The following UBIAD1 variants were observed in gnomAD, a reference collection of about 807,000 sequenced individuals.
UBIAD1 encodes ubiA prenyltransferase domain-containing protein 1.
In UBIAD1, 12 loss-of-function variants were observed where a neutral mutation model predicts 20.1. That is an observed-to-expected ratio of 0.60 (90% CI 0.38 to 0.97). UBIAD1 has a LOEUF of 0.97. Among genes scored for constraint, UBIAD1 ranks in the 50% least tolerant of loss-of-function variants. The probability of loss-of-function intolerance (pLI) is 0.00; values close to 1 mark genes in which losing one functional copy is unlikely to be tolerated. For missense variants in UBIAD1, 333 were observed against 419.5 expected (o/e 0.79, Z 1.80); for synonymous variants, 207 against 189.2 (o/e 1.09, Z -0.77).
chr1:11,278,688 C>A, intron 1 of UBIAD1: 2 of 1,328,678 alleles, frequency 1.5e-6, no homozygotes, highest in African/African-American at 1.5e-5. Context: ...CGTCTTAGCT[C>A]CTGAAGTACA....
At chr1:11,289,511 G>A (rs984180561), downstream of UBIAD1, among the ~76,000 whole-genome samples, 1 of 152,048 alleles carries the variant, frequency 6.6e-6, no homozygotes, top group Non-Finnish European at 1.5e-5. Context: ...ATGGAGATAG[G>A]GGGGTATGAG....
At position 11,278,585 on chromosome 1, in the gene UBIAD1, T is replaced by G; in HGVS notation, c.529+4525T>G. 3 of 1,311,486 alleles carry G rather than the reference T, an allele frequency of 2.3e-6. No individual in the cohort carries two copies. In the South Asian group the frequency reaches 6.0e-5, roughly 26 times the overall value. The allele number at this position is 1,311,486 out of a possible 1,614,324, so 81.2% of individuals were successfully genotyped here. A position where few individuals can be genotyped will look rare whatever the true frequency, so the allele number is the denominator to read the frequency against. On this transcript the variant is annotated intron_variant, in intron 1 of 1. Coordinates refer to ENST00000376810, the MANE Select transcript of UBIAD1 (RefSeq NM_013319.3). ...TAACACGAGTAGAAGGTTGTTGATA[T>G]AAGACAAGTTTGAGATCCACTAAAA... is the stretch of plus-strand genomic sequence containing the variant.
intron 1 of UBIAD1, among the ~76,000 whole-genome samples, chr1:11,276,100 G>A (rs1209219032): frequency 6.6e-6 from 1 of 152,154 alleles, no homozygotes; most frequent in African/African-American, 2.4e-5. Flanking sequence ...TCTGGGTAAG[G>A]TATTGAGAAT....
chr1:11,276,975 A>G (rs1288270950), intron 1 of UBIAD1, among the ~76,000 whole-genome samples: 1 of 152,028 alleles, frequency 6.6e-6, no homozygotes, highest in Non-Finnish European at 1.5e-5. Context: ...GGTAGTTTTT[A>G]CCCATAATCC....
intron 1 of UBIAD1, among the ~76,000 whole-genome samples, chr1:11,275,450 G>A (rs1259065099): frequency 6.6e-6 from 1 of 152,124 alleles, no homozygotes; most frequent in Non-Finnish European, 1.5e-5. Context: ...CATCAAAAAG[G>A]TAACATTTGG....
In UBIAD1 at chr1:11,280,406, C is replaced by A. The variant is rs537584387; in HGVS notation, c.530-5238C>A. ...TCTTTTCTCTATCTCCATGTACTCC[C>A]TTGGTGATGTAGCTCATGGCTTCAG... On this transcript the variant is annotated intron_variant, in intron 1 of 1. Transcript: ENST00000376810. Among the ~76,000 whole-genome samples, 3 of 152,280 alleles carry A rather than the reference C, an allele frequency of 2.0e-5. No individual in the cohort carries two copies. The East Asian group carries it at 5.8e-4, about 29-fold the overall frequency.
chr1:11,273,299 G>T lies in UBIAD1; in HGVS notation c.-233G>T, dbSNP rs912505470. 1.9e-5 allele frequency: 11 copies of T among 580,746 alleles called. No homozygotes were observed. Among genetic ancestry groups the T allele is most frequent in the Non-Finnish European group, 3.1e-5 (10 of 325,716 alleles). The allele number at this position is 580,746 out of a possible 1,614,324, so 36.0% of individuals were successfully genotyped here. ...CCGTGGGCTCTAACGCGGGGCTGGG[G>T]GCCGGAGACAGACTTCGCCCAGGTG... On this transcript the variant is annotated 5_prime_UTR_variant, in exon 1 of 2. Transcript: ENST00000376810. This position sits in a 1 kb window ranked among gnomAD's most constrained non-coding sequence, Gnocchi z 4.9.
At chr1:11,282,707 C>T (rs1361796312) in intron 1 of UBIAD1, among the ~76,000 whole-genome samples, 8 of 151,576 alleles carry the variant, frequency 5.3e-5, no homozygotes, top group East Asian at 2.0e-4. Flanking sequence ...GGATTACAGG[C>T]GTGCACCACC....
At chr1:11,297,923 G>A (rs2101031276), downstream of UBIAD1, among the ~76,000 whole-genome samples, 1 of 152,156 alleles carries the variant, frequency 6.6e-6, no homozygotes, top group Middle Eastern at 3.4e-3. Flanking sequence ...TGTTTTACCA[G>A]AGTTGTTACT....
chr1:11,297,576 C>A (rs1457540986), downstream of UBIAD1, among the ~76,000 whole-genome samples: 1 of 152,202 alleles, frequency 6.6e-6, no homozygotes, highest in Non-Finnish European at 1.5e-5. Flanking sequence ...AAAGGATGAC[C>A]CATCTGCAGC....
At chr1:11,296,548 T>C (rs1638451449), downstream of UBIAD1, among the ~76,000 whole-genome samples, 1 of 152,172 alleles carries the variant, frequency 6.6e-6, no homozygotes, top group Admixed American at 6.5e-5. Context: ...AGACAGGATC[T>C]CACTCTGTAG....
Position 11,285,792 on chromosome 1 carries a change from G to A in UBIAD1, c.678G>A (p.Glu226=), listed in dbSNP as rs146002977. The change falls in exon 2 of 2, where the codon GAG becomes GAA. Residue 226 remains glutamate, a synonymous_variant. Transcript: ENST00000376810. The surrounding 1 kb of genome is among the most constrained non-coding windows in gnomAD (Gnocchi z 4.4). ...CCATCCCCCTCGCCCTCAGCACCGAGGCCATTCTCCATTCCAACAACACCA... is the reference window on the plus strand; with the variant it reads ...CCATCCCCCTCGCCCTCAGCACCGAAGCCATTCTCCATTCCAACAACACCA... ...VYAIPLALST[E]AILHSNNTRD... The A allele has an allele frequency of 2.0e-5, 33 of 1,614,166 alleles. No individual in the cohort carries two copies. The African/African-American group carries it at 2.8e-4, about 14-fold the overall frequency.
intron 1 of UBIAD1, among the ~76,000 whole-genome samples, chr1:11,294,301 C>A (rs1638412060): frequency 1.3e-5 from 2 of 151,312 alleles, no homozygotes; most frequent in African/African-American, 4.8e-5. Flanking sequence ...AGTGCAAGTT[C>A]TTTTATTATT....
intron 1 of UBIAD1, among the ~76,000 whole-genome samples, chr1:11,275,024 C>T (rs1321732369): frequency 6.6e-6 from 1 of 152,104 alleles, no homozygotes; most frequent in African/African-American, 2.4e-5. Context: ...ATAATTACTT[C>T]TAGCTAGTTT....
chr1:11,296,717 A>G (rs1394254345), downstream of UBIAD1, among the ~76,000 whole-genome samples: 2 of 152,120 alleles, frequency 1.3e-5, no homozygotes, highest in Non-Finnish European at 2.9e-5. Context: ...ACAAGATTTC[A>G]CCATGTTGCC....
At position 11,285,678 on chromosome 1, in the gene UBIAD1, C is replaced by T. The variant is rs774211411; in HGVS notation, c.564C>T (p.Leu188=). ...IGFKYVALGD[L]IILITFGPLA... is the part of the protein sequence containing the mutation. ...TCAAGTACGTGGCTCTGGGAGACCT[C>T]ATCATCCTCATCACTTTTGGCCCGC... Residue 188 remains leucine, a synonymous_variant, in exon 2 of 2, where the codon CTC becomes CTT. Transcript: ENST00000376810. The surrounding 1 kb of genome is among the most constrained non-coding windows in gnomAD (Gnocchi z 4.4). 1.9e-6 allele frequency: 3 copies of T among 1,614,180 alleles called. No homozygotes were observed. In the South Asian group the frequency reaches 3.3e-5, roughly 18 times the overall value.
chr1:11,277,293 C>CTTT (rs56363441), intron 1 of UBIAD1, among the ~76,000 whole-genome samples: 57 of 142,858 alleles, frequency 4.0e-4, no homozygotes, highest in African/African-American at 1.4e-3. Flanking sequence ...GTACCTGCTA[C>CTTT]TTTTTTTTTT....
In UBIAD1 at chr1:11,273,329, G is replaced by A; in HGVS notation, c.-203G>A. On this transcript the variant is annotated 5_prime_UTR_variant, in exon 1 of 2. Transcript: ENST00000376810. The surrounding 1 kb of genome is among the most constrained non-coding windows in gnomAD (Gnocchi z 4.9). ...GAGACAGACTTCGCCCAGGTGACGG[G>A]TAGTAGGGGCGGCGCCGCTTGGCCT... 3.2e-6 allele frequency: 2 copies of A among 621,540 alleles called. No homozygotes were observed. The highest frequency in any genetic ancestry group is 2.8e-5 in the East Asian group (1 of 35,862). 38.5% of individuals were successfully genotyped at this position (621,540 alleles called of 1,614,324 possible).
downstream of UBIAD1, among the ~76,000 whole-genome samples, chr1:11,289,186 G>A (rs1168957391): frequency 6.6e-6 from 1 of 152,218 alleles, no homozygotes; most frequent in East Asian, 1.9e-4. Flanking sequence ...GGCGGTGGGA[G>A]AGAGCTAACT....
Sources: gnomAD v4.1 joint callset for allele counts (sites outside exome capture counted in the v4.1 genomes callset) on GRCh38, gnomAD v4.1.1 for gene constraint, Gnocchi (gnomAD v3.1) non-coding constraint, MANE v1.5 for transcripts, NCBI Gene and HGNC (gene_info 2026-07-23, HGNC 2026-07-21) for gene names.